F13A1: variants seen among roughly 807,000 people sequenced by gnomAD.
F13A1 encodes FSF, A subunit.
F13A1 carries 47 observed loss-of-function variants against 80.1 expected under a neutral mutation model. The observed-to-expected ratio is 0.59, with a 90% CI of 0.46 to 0.75. The LOEUF is 0.75. Ranked by LOEUF, F13A1 falls within the 30% of genes least tolerant of loss-of-function variation. The probability of loss-of-function intolerance (pLI) is 0.00; values close to 1 mark genes in which losing one functional copy is unlikely to be tolerated. For missense variants in F13A1, 817 were observed against 930.4 expected, an observed-to-expected ratio of 0.88 and a Z score of 1.59; for synonymous variants, 349 against 344.9, an observed-to-expected ratio of 1.01 and a Z score of -0.13.
intron 1 of F13A1, among the ~76,000 whole-genome samples, chr6:6,319,415 A>G (rs1332835840): frequency 2.0e-5 from 3 of 152,184 alleles, no homozygotes; most frequent in Non-Finnish European, 2.9e-5. Context: ...AGGGCTATCA[A>G]TAGGCTTAAG....
At chr6:6,197,519 A>G (rs1412792926) in intron 8 of F13A1, among the ~76,000 whole-genome samples, 193 bp from the exon 9 acceptor site, 1 of 152,132 alleles carries the variant, frequency 6.6e-6, no homozygotes, top group Admixed American at 6.5e-5. Flanking sequence ...CTCTACTAAA[A>G]ATACAAAAAT....
At chr6:6,223,825 C>G (rs1425558280) in intron 7 of F13A1, among the ~76,000 whole-genome samples, 1 of 152,036 alleles carries the variant, frequency 6.6e-6, no homozygotes, top group East Asian at 1.9e-4. Context: ...AAAATGTTAG[C>G]TAGGTAAAAA....
At chr6:6,148,370 G>C (rs1760320562) in intron 14 of F13A1, among the ~76,000 whole-genome samples, 1 of 152,110 alleles carries the variant, frequency 6.6e-6, no homozygotes, top group Admixed American at 6.6e-5. Context: ...CTGTTTACCA[G>C]CTCCTCACCT....
At chr6:6,260,885 G>A (rs1488863451) in intron 4 of F13A1, among the ~76,000 whole-genome samples, 1 of 152,202 alleles carries the variant, frequency 6.6e-6, no homozygotes, top group Admixed American at 6.5e-5. Context: ...TGGTAAGGGA[G>A]AGAGACTGGA....
chr6:6,300,290 G>A (rs1013684171), intron 3 of F13A1, among the ~76,000 whole-genome samples: 1 of 150,244 alleles, frequency 6.7e-6, no homozygotes, highest in African/African-American at 2.5e-5. Flanking sequence ...CTTCCAGGCT[G>A]CTTTGTTTCA....
chr6:6,216,967 A>G (rs976387773), intron 8 of F13A1, among the ~76,000 whole-genome samples: 3 of 151,058 alleles, frequency 2.0e-5, no homozygotes, highest in Non-Finnish European at 4.4e-5. Flanking sequence ...GCAAAACAAA[A>G]CCACAATGAG....
chr6:6,201,532 T>C (rs749972512), intron 8 of F13A1, among the ~76,000 whole-genome samples: 3 of 152,194 alleles, frequency 2.0e-5, no homozygotes, highest in South Asian at 2.1e-4. Context: ...TCTTTCACCA[T>C]GCAATCCTCT....
chr6:6,186,544 A>G (rs902394214), intron 10 of F13A1, among the ~76,000 whole-genome samples: 7 of 152,156 alleles, frequency 4.6e-5, no homozygotes, highest in South Asian at 2.1e-4. Flanking sequence ...GATATGCGGC[A>G]TTATTTCTGA....
At position 6,182,019 on chromosome 6, in the gene F13A1, C is replaced by G. The variant is rs1399884896; in HGVS notation, c.1428G>C (p.Met476Ile). The change falls in exon 11 of 15, where the codon ATG (methionine) becomes ATC (isoleucine). Residue 476 changes from methionine to isoleucine, a missense_variant. Coordinates refer to ENST00000264870, the MANE Select transcript of F13A1 (RefSeq NM_000129.4). ...GGAATTTGTAAGTATCAGTAATATC[C>G]ATCATGCCATCTCCTCCAATTTGTT... ...VTKQIGGDGM[M>I]DITDTYKFQE... 4 of 1,614,152 alleles carry G rather than the reference C, an allele frequency of 2.5e-6. No homozygotes were observed. Among genetic ancestry groups the G allele is most frequent in the Non-Finnish European group, 3.4e-6 (4 of 1,180,024 alleles).
intron 11 of F13A1, among the ~76,000 whole-genome samples, chr6:6,180,917 A>G (rs949139878): frequency 1.3e-5 from 2 of 152,224 alleles, no homozygotes; most frequent in Non-Finnish European, 2.9e-5. Flanking sequence ...ATATTTAGGT[A>G]TATGCTAATT....
rs186703818 is a variant in F13A1 at position 6,256,358 on chromosome 6, G to A, written c.572-5429C>T. On this transcript the variant is annotated intron_variant, in intron 4 of 14. Coordinates refer to ENST00000264870, the MANE Select transcript of F13A1 (RefSeq NM_000129.4). ...TGGACCAACTGACAACTCTTTGATC[G>A]TAGGTGACCTCTGGCAGACAACCAC... Among the ~76,000 whole-genome samples the A allele has an allele frequency of 9.9e-4, 151 of 152,182 alleles. 1 individual carries two copies. The highest frequency in any genetic ancestry group is 3.5e-3 in the African/African-American group (146 of 41,472).
chr6:6,262,749 C>T (rs894260615), intron 4 of F13A1, among the ~76,000 whole-genome samples: 3 of 151,902 alleles, frequency 2.0e-5, no homozygotes, highest in African/African-American at 7.3e-5. Flanking sequence ...GCAATCACCT[C>T]ATTCTTCTTC....
chr6:6,250,769 A>G lies in F13A1; in HGVS notation c.690+42T>C, dbSNP rs755994995. 3 of 1,300,788 alleles carry G rather than the reference A, an allele frequency of 2.3e-6. No homozygotes were observed. The highest frequency in any genetic ancestry group is 1.2e-5 in the South Asian group (1 of 84,850). The allele number at this position is 1,300,788 out of a possible 1,614,324, so 80.6% of individuals were successfully genotyped here. ...GGGATACATGTGACAAAAAATATGAAGTAAAAATGTCCTTGACAATAACAA... is the reference window on the plus strand; with the variant it reads ...GGGATACATGTGACAAAAAATATGAGGTAAAAATGTCCTTGACAATAACAA... On this transcript the variant is annotated intron_variant, in intron 5 of 14. Coordinates refer to ENST00000264870, the MANE Select transcript of F13A1 (RefSeq NM_000129.4). This position sits in a 1 kb window ranked among gnomAD's most constrained non-coding sequence, Gnocchi z 4.2.
intron 10 of F13A1, among the ~76,000 whole-genome samples, chr6:6,184,740 C>G (rs896710025): frequency 1.3e-5 from 2 of 152,146 alleles, no homozygotes; most frequent in African/African-American, 4.8e-5. Context: ...TGGCTGATTC[C>G]TGCCCCCCCA....
chr6:6,153,786 C>T (rs970650914), intron 13 of F13A1, among the ~76,000 whole-genome samples: 5 of 152,184 alleles, frequency 3.3e-5, no homozygotes, highest in Admixed American at 6.5e-5. Context: ...CCAGCCCCAG[C>T]TGACAACCAT....
chr6:6,210,989 C>A (rs1326950707), intron 8 of F13A1, among the ~76,000 whole-genome samples: 1 of 152,172 alleles, frequency 6.6e-6, no homozygotes, highest in Non-Finnish European at 1.5e-5. Flanking sequence ...CATCGGCCTC[C>A]CAAAGTGCTG....
At chr6:6,281,789 C>A (rs763286372) in intron 3 of F13A1, among the ~76,000 whole-genome samples, 3 of 151,662 alleles carry the variant, frequency 2.0e-5, no homozygotes, top group African/African-American at 4.8e-5. Context: ...GTCAGGAGAT[C>A]GAGACCATCC....
chr6:6,186,584 C>A (rs1761083837), intron 10 of F13A1, among the ~76,000 whole-genome samples: 1 of 152,174 alleles, frequency 6.6e-6, no homozygotes, highest in Admixed American at 6.5e-5. Flanking sequence ...TGATCTATAT[C>A]TCTATTTTGG....
rs544051702 is a variant in F13A1 at position 6,216,110 on chromosome 6, T to C, written c.1112+5923A>G. On this transcript the variant is annotated intron_variant, in intron 8 of 14. Transcript: ENST00000264870. Reference sequence around the variant, plus strand: ...AAAATGGCCATACTGCCCAAGGTAATTTACAGATTCAATGCCATCCCCATC... The same window carrying C: ...AAAATGGCCATACTGCCCAAGGTAACTTACAGATTCAATGCCATCCCCATC... 2.1e-3 allele frequency among the ~76,000 whole-genome samples: 314 copies of C among 150,646 alleles called. 2 individuals carry two copies. Among genetic ancestry groups the C allele is most frequent in the Middle Eastern group, 3.4e-3 (1 of 294 alleles).
Sources: gnomAD v4.1 joint callset for allele counts (sites outside exome capture counted in the v4.1 genomes callset) on GRCh38, gnomAD v4.1.1 for gene constraint, Gnocchi (gnomAD v3.1) non-coding constraint, MANE v1.5 for transcripts, NCBI Gene and HGNC (gene_info 2026-07-23, HGNC 2026-07-21) for gene names.